Variants in ACER3 observed in about 807,000 individuals in gnomAD.
ACER3 encodes the protein alkaline ceramidase 3.
Under a neutral mutation model 48.9 loss-of-function variants are expected in ACER3, and 16 were observed. The observed-to-expected ratio is 0.33, with a 90% CI of 0.22 to 0.50. ACER3 has a LOEUF of 0.50. ACER3 is among the 20% of genes least tolerant of loss of function. The pLI is 0.98. For missense variants in ACER3, 227 were observed against 326.0 expected (o/e 0.70, Z 2.34); for synonymous variants, 109 against 107.8 (o/e 1.01, Z -0.07).
chr11:76,913,414 G>A (rs944575401), intron 1 of ACER3, among the ~76,000 whole-genome samples: 14 of 152,264 alleles, frequency 9.2e-5, no homozygotes, highest in Non-Finnish European at 1.6e-4. Context: ...ATGTTGAATC[G>A]GAATAGTGAG....
chr11:76,909,434 AC>A (rs1272960247), intron 1 of ACER3, among the ~76,000 whole-genome samples: 4 of 152,164 alleles, frequency 2.6e-5, no homozygotes, highest in African/African-American at 7.2e-5. Context: ...AAGAAAAAAA[AC>A]AACCCCATCA....
chr11:76,973,835 C>T (rs1311022844), intron 3 of ACER3, among the ~76,000 whole-genome samples: 5 of 152,038 alleles, frequency 3.3e-5, no homozygotes, highest in African/African-American at 4.8e-5. Flanking sequence ...AGATTTATAT[C>T]TGTGTTTTTG....
chr11:77,011,416 C>G, intron 7 of ACER3: 1 of 974,118 alleles, frequency 1.0e-6, no homozygotes, highest in Non-Finnish European at 1.2e-6. Flanking sequence ...GCACCCTACC[C>G]CCACTGATCA....
chr11:76,930,256 G>A (rs530514378), intron 2 of ACER3, among the ~76,000 whole-genome samples: 1 of 152,272 alleles, frequency 6.6e-6, no homozygotes, highest in Admixed American at 6.5e-5. Flanking sequence ...TTTGCATAGA[G>A]GTGTTTATAA....
At chr11:76,956,398 C>T (rs1447323440) in intron 2 of ACER3, among the ~76,000 whole-genome samples, 2 of 152,040 alleles carry the variant, frequency 1.3e-5, no homozygotes, top group African/African-American at 2.4e-5. Flanking sequence ...GCTACCCTCT[C>T]CTGAAAGGAA....
intron 2 of ACER3, among the ~76,000 whole-genome samples, chr11:76,953,458 C>T (rs1382967111): frequency 6.6e-6 from 1 of 151,906 alleles, no homozygotes; most frequent in East Asian, 1.9e-4. Context: ...ATTAGCTGGG[C>T]ATGGTGGTGG....
chr11:76,882,003 C>CTTTT (rs33962456), intron 1 of ACER3, among the ~76,000 whole-genome samples: 5 of 110,058 alleles, frequency 4.5e-5, no homozygotes, highest in African/African-American at 6.2e-5. Flanking sequence ...TGTAAAAAAT[C>CTTTT]TTTTTTTTTT....
intron 2 of ACER3, among the ~76,000 whole-genome samples, chr11:76,942,418 A>G (rs1947362162): frequency 6.6e-6 from 1 of 152,028 alleles, no homozygotes; most frequent in South Asian, 2.1e-4. Flanking sequence ...TATTGAGATG[A>G]TCATATGGTT....
intron 2 of ACER3, among the ~76,000 whole-genome samples, chr11:76,928,120 G>C (rs1055095810): frequency 2.6e-5 from 4 of 151,930 alleles, no homozygotes; most frequent in African/African-American, 9.7e-5. Flanking sequence ...TCTCCAGCAC[G>C]TGTTGTTTCC....
At chr11:76,912,255 A>G (rs1339626984) in intron 1 of ACER3, among the ~76,000 whole-genome samples, 1 of 152,122 alleles carries the variant, frequency 6.6e-6, no homozygotes, top group African/African-American at 2.4e-5. Context: ...ATTGCTAGCA[A>G]CCACCTGAAG....
chr11:77,001,718 A>G (rs556258829), intron 7 of ACER3, among the ~76,000 whole-genome samples: 2 of 152,296 alleles, frequency 1.3e-5, no homozygotes, highest in Admixed American at 6.5e-5. Context: ...CTTGTTCCCA[A>G]TTCTAGGGGA....
intron 3 of ACER3, among the ~76,000 whole-genome samples, chr11:76,962,888 G>A (rs1343142950): frequency 6.6e-6 from 1 of 151,288 alleles, no homozygotes; most frequent in African/African-American, 2.5e-5. Flanking sequence ...AGGTGTTCCT[G>A]GAACTGTCAT....
At chr11:76,942,729 A>AT (rs1156405362) in intron 2 of ACER3, among the ~76,000 whole-genome samples, 3 of 151,514 alleles carry the variant, frequency 2.0e-5, no homozygotes, top group Non-Finnish European at 3.0e-5. Context: ...CTCCTCTTTG[A>AT]TTTTTTGGGT....
At chr11:76,952,135 TATATACACACACACAC>T (rs1409528457) in intron 2 of ACER3, among the ~76,000 whole-genome samples, 1 of 143,616 alleles carries the variant, frequency 7.0e-6, no homozygotes, top group Non-Finnish European at 1.5e-5. Context: ...ATTATATATA[TATATACACACACACAC>T]ACACACACAC....
At position 76,860,921 on chromosome 11, in the gene ACER3, G is replaced by A. The variant is rs1327920454; in HGVS notation, c.-56G>A. On this transcript the variant is annotated 5_prime_UTR_variant, in exon 1 of 11. Transcript: ENST00000532485. ...GGGCTGGGCCGGAGCCGGCCTGGTC[G>A]CCAGCCTAACCCGGCACAGTGAGCG... is the stretch of plus-strand genomic sequence containing the variant. 4 of 1,288,868 alleles carry A rather than the reference G, an allele frequency of 3.1e-6. No individual in the cohort carries two copies. In the East Asian group the frequency reaches 9.5e-5, roughly 31 times the overall value. 79.8% of individuals were successfully genotyped at this position (1,288,868 alleles called of 1,614,324 possible).
At chr11:76,969,098 A>C (rs1948222014) in intron 3 of ACER3, among the ~76,000 whole-genome samples, 1 of 152,188 alleles carries the variant, frequency 6.6e-6, no homozygotes, top group Admixed American at 6.5e-5. Flanking sequence ...AATTTACAAG[A>C]AAAAAACAAA....
chr11:76,895,056 A>G (rs958104330), intron 1 of ACER3, among the ~76,000 whole-genome samples: 1 of 152,180 alleles, frequency 6.6e-6, no homozygotes, highest in Non-Finnish European at 1.5e-5. Flanking sequence ...ATTTTAAAAT[A>G]TATTTGGAAT....
chr11:76,986,138 G>A (rs1170738209), intron 5 of ACER3, among the ~76,000 whole-genome samples: 1 of 152,080 alleles, frequency 6.6e-6, no homozygotes, highest in African/African-American at 2.4e-5. Flanking sequence ...CTACATTAAT[G>A]CTTTTTTTCT....
chr11:76,866,133 C>T (rs1036877350), intron 1 of ACER3, among the ~76,000 whole-genome samples: 1 of 152,004 alleles, frequency 6.6e-6, no homozygotes, highest in African/African-American at 2.4e-5. Context: ...GCCCCTCAGA[C>T]TACATATTTA....
Sources: allele counts gnomAD v4.1 joint callset (sites outside exome capture counted in the v4.1 genomes callset), GRCh38; gene constraint gnomAD v4.1.1; transcripts MANE v1.5; gene names NCBI Gene and HGNC (gene_info 2026-07-23, HGNC 2026-07-21).